Variants in FAM13A observed in about 807,000 individuals in gnomAD.
The protein encoded by FAM13A is protein FAM13A.
FAM13A carries 76 observed loss-of-function variants against 129.6 expected under a neutral mutation model. That is an observed-to-expected ratio of 0.59 (90% CI 0.49 to 0.71). FAM13A has a LOEUF of 0.71. FAM13A is among the 30% of genes least tolerant of loss of function. The probability of loss-of-function intolerance (pLI) is 0.00; values close to 1 mark genes in which losing one functional copy is unlikely to be tolerated. For missense variants in FAM13A, 1,108 were observed against 1,249.3 expected (o/e 0.89, Z 1.70); for synonymous variants, 443 against 449.9 (o/e 0.98, Z 0.20).
chr4:88,888,936 C>CAAA (rs896287129), intron 6 of FAM13A, among the ~76,000 whole-genome samples: 4 of 65,556 alleles, frequency 6.1e-5, no homozygotes, highest in African/African-American at 1.9e-4. Flanking sequence ...ACTCCGTCTC[C>CAAA]AAAAAAAAAA....
chr4:88,770,566 AAAAG>A (rs57211079), intron 11 of FAM13A, among the ~76,000 whole-genome samples: 85,648 of 151,628 alleles, frequency 0.56, 26,576 homozygotes, highest in Non-Finnish European at 0.72. Flanking sequence ...CTTAAAAGAA[AAAAG>A]AAATAAAATA....
chr4:88,875,965 A>G (rs1459132304), intron 6 of FAM13A, among the ~76,000 whole-genome samples: 2 of 152,246 alleles, frequency 1.3e-5, no homozygotes, highest in Admixed American at 6.5e-5. Flanking sequence ...GCAGCCACAA[A>G]AAAGGATGAA....
chr4:89,042,898 T>C (rs116411829), intron 1 of FAM13A, among the ~76,000 whole-genome samples: 2,249 of 152,316 alleles, frequency 0.015, 56 homozygotes, highest in African/African-American at 0.051. Context: ...TCTATGTACT[T>C]AGTACTGTTG....
chr4:89,025,627 G>A (rs1767877231), intron 2 of FAM13A, among the ~76,000 whole-genome samples: 1 of 152,178 alleles, frequency 6.6e-6, no homozygotes, highest in Admixed American at 6.5e-5. Flanking sequence ...GTATGGGACT[G>A]CTTAAAGATA....
chr4:88,748,187 C>T (rs1157626618), intron 17 of FAM13A, among the ~76,000 whole-genome samples: 2 of 152,126 alleles, frequency 1.3e-5, no homozygotes, highest in African/African-American at 2.4e-5. Flanking sequence ...CCACTGCGCC[C>T]GGCCTGATAT....
At position 88,725,965 on chromosome 4, in the gene FAM13A, A is replaced by AGTCT. The variant is rs1397922381; in HGVS notation, c.*2564_*2567dup. 2 of 147,998 alleles carry AGTCT rather than the reference A, an allele frequency of 1.4e-5. No homozygotes were observed. Among genetic ancestry groups the AGTCT allele is most frequent in the African/African-American group, 5.0e-5 (2 of 40,044 alleles). The allele number at this position is 147,998 out of a possible 1,614,324, so 9.2% of individuals were successfully genotyped here. ...AATAAAAGTACTTATGAAAATTATA[A>AGTCT]GTCTGCACTCTTTAATTCTTAAGTT... On this transcript the variant is annotated 3_prime_UTR_variant, in exon 24 of 24. Coordinates refer to ENST00000264344, the MANE Select transcript of FAM13A (RefSeq NM_014883.4).
At chr4:88,737,387 AC>A in intron 21 of FAM13A, 84 bp downstream of exon 21, 1 of 1,156,246 alleles carries the variant, frequency 8.6e-7, no homozygotes, top group Non-Finnish European at 1.3e-6. Flanking sequence ...GCCCGATCAC[AC>A]CCCCTTTCCA....
At chr4:88,763,613 T>G (rs1008700438) in intron 13 of FAM13A, among the ~76,000 whole-genome samples, 1 of 152,246 alleles carries the variant, frequency 6.6e-6, no homozygotes, top group Admixed American at 6.5e-5. Context: ...CCAGACTTTA[T>G]TTGATACTGC....
chr4:88,768,349 A>C (rs3756048), intron 11 of FAM13A: 17,452 of 207,286 alleles, frequency 0.084, 1,424 homozygotes, highest in East Asian at 0.33. Context: ...CCACATTGGA[A>C]AGCTAAATAG....
At chr4:88,987,253 T>C (rs1386845469) in intron 4 of FAM13A, among the ~76,000 whole-genome samples, 1 of 152,078 alleles carries the variant, frequency 6.6e-6, no homozygotes, top group Non-Finnish European at 1.5e-5. Flanking sequence ...TAGTAGAGTT[T>C]AAAAATCAAC....
At chr4:89,022,886 C>A (rs570210857) in intron 2 of FAM13A, among the ~76,000 whole-genome samples, 24 of 152,190 alleles carry the variant, frequency 1.6e-4, no homozygotes, top group African/African-American at 5.8e-4. Flanking sequence ...TCACAAGTAA[C>A]AGAATCCTGC....
At chr4:88,803,849 C>T (rs1728024870) in intron 8 of FAM13A, among the ~76,000 whole-genome samples, 2 of 152,208 alleles carry the variant, frequency 1.3e-5, no homozygotes, top group African/African-American at 2.4e-5. Context: ...TTCTGAAGTA[C>T]TAGTGGTTGA....
chr4:88,913,285 GGAA>G (rs556191241), intron 5 of FAM13A, among the ~76,000 whole-genome samples: 47 of 130,206 alleles, frequency 3.6e-4, no homozygotes, highest in South Asian at 3.3e-3. Context: ...AAGAGGAAGA[GGAA>G]GAAGAACAGG....
Position 88,781,152 on chromosome 4 carries a change from C to T in FAM13A, c.1458+13G>A, listed in dbSNP as rs370196614. 15 of 1,538,704 alleles carry T rather than the reference C, an allele frequency of 9.7e-6. No homozygotes were observed. The highest frequency in any genetic ancestry group is 1.7e-4 in the Middle Eastern group (1 of 5,778). The stretch of plus-strand genomic sequence containing the variant: ...TTCCTAACAAGTAAAACTTTATAGA[C>T]GTATTCACTTACCACAAGACCGTCC... On this transcript the variant is annotated intron_variant, in intron 11 of 23. Transcript: ENST00000264344.
chr4:88,820,103 A>G (rs144449923), intron 7 of FAM13A, among the ~76,000 whole-genome samples: 5 of 152,194 alleles, frequency 3.3e-5, no homozygotes, highest in African/African-American at 1.2e-4. Flanking sequence ...TTGGCTACAG[A>G]TTAGCAGTAA....
intron 4 of FAM13A, among the ~76,000 whole-genome samples, chr4:88,959,758 T>C (rs1211625932): frequency 6.6e-6 from 1 of 152,234 alleles, no homozygotes; most frequent in Admixed American, 6.5e-5. Flanking sequence ...CTTAATAACA[T>C]CTGCAAAGTC....
chr4:89,020,325 C>G, intron 3 of FAM13A, 135 bp downstream of exon 3: 2 of 506,328 alleles, frequency 4.0e-6, no homozygotes, highest in South Asian at 6.8e-5. Flanking sequence ...CTTGGTTGCC[C>G]ACGGTGGTCT....
intron 11 of FAM13A, among the ~76,000 whole-genome samples, chr4:88,775,783 G>T (rs1397580499): frequency 1.3e-5 from 2 of 152,104 alleles, no homozygotes; most frequent in Non-Finnish European, 2.9e-5. Flanking sequence ...AAAAGAGATT[G>T]GCCATCAGAG....
chr4:88,817,213 TATTGA>T (rs1730924971), intron 7 of FAM13A, among the ~76,000 whole-genome samples: 1 of 152,220 alleles, frequency 6.6e-6, no homozygotes, highest in Admixed American at 6.5e-5. Flanking sequence ...TACTCAAAAC[TATTGA>T]ATTGCATATT....
Sources: allele counts gnomAD v4.1 joint callset (sites outside exome capture counted in the v4.1 genomes callset), GRCh38; gene constraint gnomAD v4.1.1; transcripts MANE v1.5; gene names NCBI Gene and HGNC (gene_info 2026-07-23, HGNC 2026-07-21).